CLTCL1: variants seen among roughly 807,000 people sequenced by gnomAD.
CLTCL1 encodes the protein clathrin heavy chain 2.
CLTCL1 carries 159 observed loss-of-function variants against 190.0 expected under a neutral mutation model. The ratio of observed to expected loss-of-function variants is 0.84; its 90% CI spans 0.74 to 0.95. The LOEUF is 0.95. CLTCL1 is among the 40% of genes least tolerant of loss of function. The pLI is 0.00. For missense variants in CLTCL1, 1,878 were observed against 2,033.4 expected (o/e 0.92, Z 1.47); for synonymous variants, 752 against 769.6 (o/e 0.98, Z 0.38).
chr22:19,291,644 C>G lies in CLTCL1; in HGVS notation c.-3G>C. ...CGAACAGGGAGGATCTGCGCCATGG[C>G]TGGTGCGGGACCTCGGCGGCGGCGG... On this transcript the variant is annotated 5_prime_UTR_variant, in exon 1 of 33. Transcript: ENST00000427926. 7.2e-7 allele frequency: 1 copy of G among 1,398,062 alleles called. No homozygotes were observed. Among genetic ancestry groups the G allele is most frequent in the Non-Finnish European group, 9.4e-7 (1 of 1,061,996 alleles). The allele number at this position is 1,398,062 out of a possible 1,614,324, so 86.6% of individuals were successfully genotyped here.
At chr22:19,230,618 T>C (rs2085891251) in intron 10 of CLTCL1, among the ~76,000 whole-genome samples, 1 of 152,148 alleles carries the variant, frequency 6.6e-6, no homozygotes, top group African/African-American at 2.4e-5. Context: ...CAAAATCATA[T>C]CACCTACATC....
intron 22 of CLTCL1, among the ~76,000 whole-genome samples, chr22:19,202,300 T>C (rs1555940133): frequency 1.3e-5 from 2 of 152,000 alleles, no homozygotes; most frequent in African/African-American, 4.8e-5. Flanking sequence ...CCCAAAGTGC[T>C]GATGGGTCTC....
At chr22:19,200,268 G>A (rs1734043125) in intron 23 of CLTCL1, among the ~76,000 whole-genome samples, 2 of 152,176 alleles carry the variant, frequency 1.3e-5, no homozygotes, top group Admixed American at 6.5e-5. Context: ...TGTACAGTAT[G>A]TATACTTAAT....
chr22:19,220,370 A>G (rs2085529239), intron 17 of CLTCL1, among the ~76,000 whole-genome samples: 1 of 152,204 alleles, frequency 6.6e-6, no homozygotes, highest in South Asian at 2.1e-4. Context: ...CTAAACTGGT[A>G]ATTTTTAATT....
intron 30 of CLTCL1, chr22:19,183,093 AG>A (rs149604311): frequency 0.013 from 4,875 of 378,626 alleles, 128 homozygotes; most frequent in East Asian, 0.067. Context: ...GCTGGGGATG[AG>A]CACGCCTGTT....
At position 19,221,983 on chromosome 22, in the gene CLTCL1, A is replaced by T. The variant is rs781912252; in HGVS notation, c.2529T>A (p.Asp843Glu). The T allele has an allele frequency of 7.4e-6, 12 of 1,612,906 alleles. No individual in the cohort carries two copies. Among genetic ancestry groups the T allele is most frequent in the South Asian group, 1.1e-5 (1 of 91,062 alleles). The change falls in exon 16 of 33, where the codon GAT becomes GAA. Residue 843 changes from aspartate to glutamate, a missense_variant. Coordinates refer to ENST00000427926, the MANE Select transcript of CLTCL1 (RefSeq NM_007098.4). Reference protein sequence around the residue: ...IMAVRGQFSTDELVAEVEKRN... With the variant: ...IMAVRGQFSTEELVAEVEKRN... ...TTTTTTCTACTTCAGCCACCAACTC[A>T]TCAGTAGAGAACTGTCCTCTCACTG...
At chr22:19,234,799 A>T in intron 6 of CLTCL1, 93 bp from the exon 7 acceptor site, 1 of 1,153,720 alleles carries the variant, frequency 8.7e-7, no homozygotes, top group Non-Finnish European at 1.3e-6. Flanking sequence ...AGTGGTAGCC[A>T]CATTCTCAGG....
chr22:19,242,775 C>G lies in CLTCL1; in HGVS notation c.681G>C (p.Lys227Asn), dbSNP rs997167279. The change falls in exon 4 of 33, where the codon AAG becomes AAC. Residue 227 changes from lysine to asparagine, a missense_variant and splice_region_variant. By Grantham distance (94) the Lys-to-Asn change is moderately conservative. Coordinates refer to ENST00000427926, the MANE Select transcript of CLTCL1 (RefSeq NM_007098.4). ...GAGAAGACAGTAGAGTGGATCTTAC[C>G]TTGCCTCCTGTGGGATTACGTACAG... ...CFAVRNPTGG[K>N]LHIIEVGQPA... 5 of 1,613,924 alleles carry G rather than the reference C, an allele frequency of 3.1e-6. No homozygotes were observed. The East Asian group carries it at 1.1e-4, about 36-fold the overall frequency.
intron 11 of CLTCL1, among the ~76,000 whole-genome samples, 193 bp from the exon 12 acceptor site, chr22:19,226,576 A>G (rs1485029407): frequency 6.6e-6 from 1 of 152,142 alleles, no homozygotes; most frequent in African/African-American, 2.4e-5. Flanking sequence ...AAGCCATCTT[A>G]GGCCCTTTGC....
Position 19,196,417 on chromosome 22 carries a change from T to C in CLTCL1, c.4042-2A>G, listed in dbSNP as rs1555935680. ...TGCCTGCTCTGCAGCCCTCAGCACC[T>C]GGACAAGGAGGTCAGGGTCGGCTTG... On this transcript the variant is annotated splice_acceptor_variant, in intron 25 of 32. Coordinates refer to ENST00000427926, the MANE Select transcript of CLTCL1 (RefSeq NM_007098.4). LOFTEE classifies it high-confidence loss of function. The C allele has an allele frequency of 4.3e-6, 7 of 1,614,036 alleles. No homozygotes were observed. The South Asian group carries it at 7.7e-5, about 18-fold the overall frequency.
intron 1 of CLTCL1, among the ~76,000 whole-genome samples, chr22:19,286,963 G>A (rs975165806): frequency 6.6e-6 from 1 of 152,142 alleles, no homozygotes; most frequent in Non-Finnish European, 1.5e-5. Flanking sequence ...GACACTTTGA[G>A]GGAACATGTT....
At chr22:19,207,075 G>C (rs1241949484) in intron 22 of CLTCL1, among the ~76,000 whole-genome samples, 1 of 139,358 alleles carries the variant, frequency 7.2e-6, no homozygotes, top group South Asian at 2.2e-4. Context: ...GGAGTGTAGT[G>C]GTGCTATCTC....
At chr22:19,206,193 T>C (rs1555942626) in intron 22 of CLTCL1, among the ~76,000 whole-genome samples, 1 of 152,128 alleles carries the variant, frequency 6.6e-6, no homozygotes. Context: ...CCCAAAGTGC[T>C]GAGATTACAG....
chr22:19,239,052 C>T (rs141285709), intron 5 of CLTCL1, among the ~76,000 whole-genome samples: 15 of 152,318 alleles, frequency 9.8e-5, no homozygotes, highest in African/African-American at 7.2e-5. Context: ...GACTTGGCAA[C>T]GTCTTCCTGC....
chr22:19,275,960 C>G lies in CLTCL1; in HGVS notation c.43-130G>C, dbSNP rs909995513. 13 of 746,300 alleles carry G rather than the reference C, an allele frequency of 1.7e-5. No individual in the cohort carries two copies. The African/African-American group carries it at 1.8e-4, about 10-fold the overall frequency. The allele number at this position is 746,300 out of a possible 1,614,324, so 46.2% of individuals were successfully genotyped here. On this transcript the variant is annotated intron_variant, in intron 1 of 32. Coordinates refer to ENST00000427926, the MANE Select transcript of CLTCL1 (RefSeq NM_007098.4). ...ACATTAGGTAAACACTTGAAGGAAA[C>G]ATTAGCTTGCTTTTCTACGCCTGTA...
chr22:19,255,815 CAGG>C (rs1451988290), intron 2 of CLTCL1, among the ~76,000 whole-genome samples: 1 of 150,312 alleles, frequency 6.7e-6, no homozygotes, highest in African/African-American at 2.5e-5. Context: ...GAGGCTGAGG[CAGG>C]AGAATTGCTT....
chr22:19,239,616 G>T (rs1249024211), intron 4 of CLTCL1, among the ~76,000 whole-genome samples: 2 of 152,214 alleles, frequency 1.3e-5, no homozygotes, highest in Admixed American at 1.3e-4. Context: ...AGGCAGCCTG[G>T]AGCCTCAGTT....
intron 8 of CLTCL1, 40 bp downstream of exon 8, chr22:19,233,382 A>C (rs370228470): frequency 6.2e-6 from 10 of 1,611,084 alleles, no homozygotes; most frequent in Non-Finnish European, 8.5e-6. Context: ...CCAAGTTTTC[A>C]AGCTGTGCGG....
intron 26 of CLTCL1, among the ~76,000 whole-genome samples, chr22:19,195,771 G>C (rs782660083): frequency 6.6e-6 from 1 of 152,128 alleles, no homozygotes; most frequent in African/African-American, 2.4e-5. Flanking sequence ...AGAGAAACTC[G>C]GGTCCCGGTT....
Sources: allele counts gnomAD v4.1 joint callset (sites outside exome capture counted in the v4.1 genomes callset), GRCh38; gene constraint gnomAD v4.1.1; transcripts MANE v1.5; gene names NCBI Gene and HGNC (gene_info 2026-07-23, HGNC 2026-07-21).